Variants in ABHD6 observed in about 807,000 individuals in gnomAD.
ABHD6 encodes abhydrolase domain containing 6, acylglycerol lipase.
In ABHD6, 33 loss-of-function variants were observed where a neutral mutation model predicts 38.8. The observed-to-expected ratio is 0.85, with a 90% confidence interval of 0.64 to 1.14. The LOEUF (loss-of-function observed/expected upper bound fraction) is 1.14. Ranked by LOEUF, ABHD6 falls within the 50% of genes most tolerant of loss-of-function variation. The pLI is 0.00. For missense variants in ABHD6, 380 were observed against 422.6 expected (o/e 0.90, Z 0.88); for synonymous variants, 147 against 161.6 (o/e 0.91, Z 0.69).
chr3:58,243,012 G>T (rs2097423907), intron 1 of ABHD6, among the ~76,000 whole-genome samples: 1 of 152,208 alleles, frequency 6.6e-6, no homozygotes, highest in South Asian at 2.1e-4. Context: ...CAGAATGATG[G>T]TTTCCAGCTT....
chr3:58,292,774 G>A (rs1022900001), intron 9 of ABHD6, among the ~76,000 whole-genome samples: 3 of 152,084 alleles, frequency 2.0e-5, no homozygotes. Context: ...AAAATTAGCT[G>A]GGCATGGTGG....
chr3:58,274,136 C>A (rs1369724438), intron 6 of ABHD6, among the ~76,000 whole-genome samples: 1 of 152,164 alleles, frequency 6.6e-6, no homozygotes, highest in Non-Finnish European at 1.5e-5. Flanking sequence ...GACTCCCAGT[C>A]CCCCTGTGTT....
At chr3:58,253,523 G>A (rs1443023064) in intron 2 of ABHD6, among the ~76,000 whole-genome samples, 2 of 152,304 alleles carry the variant, frequency 1.3e-5, no homozygotes, top group Non-Finnish European at 2.9e-5. Context: ...CTCCTTCAGG[G>A]ATTTTTGTAA....
In ABHD6 at chr3:58,271,766, G is replaced by GTTTTTTTTTTTTTT. The variant is rs3038091; in HGVS notation, c.523+713_523+726dup. On this transcript the variant is annotated intron_variant, in intron 6 of 9. Coordinates refer to ENST00000478253, the MANE Select transcript of ABHD6 (RefSeq NM_001320126.2). ...CTCTCCTCTATCTCCCCCTCTCTCT[G>GTTTTTTTTTTTTTT]TTTTTTTTTTTTTTTTTTTTTTTTG... Among the ~76,000 whole-genome samples, 29 of 63,632 alleles carry GTTTTTTTTTTTTTT rather than the reference G, an allele frequency of 4.6e-4. 8 individuals carry two copies. The highest frequency in any genetic ancestry group is 1.4e-3 in the African/African-American group (20 of 14,014). The allele number at this position is 63,632 out of a possible 152,430, so 41.7% of individuals were successfully genotyped here.
At chr3:58,243,162 A>G (rs970186727) in intron 1 of ABHD6, among the ~76,000 whole-genome samples, 5 of 152,188 alleles carry the variant, frequency 3.3e-5, no homozygotes, top group African/African-American at 1.2e-4. Context: ...TGCTATTGTG[A>G]ATAGTGCTGC....
At chr3:58,290,757 G>T (rs1436878474) in intron 9 of ABHD6, among the ~76,000 whole-genome samples, 5 of 151,506 alleles carry the variant, frequency 3.3e-5, no homozygotes, top group Non-Finnish European at 5.9e-5. Flanking sequence ...CGGGGCAAAG[G>T]CGCTCTCCAC....
At chr3:58,254,883 C>CACAT (rs2097432283) in intron 2 of ABHD6, among the ~76,000 whole-genome samples, 1 of 125,118 alleles carries the variant, frequency 8.0e-6, no homozygotes, top group Non-Finnish European at 1.7e-5. Context: ...CACACACACA[C>CACAT]ATATATATAT....
In ABHD6 at chr3:58,269,527, C is replaced by T; in HGVS notation, c.390+93C>T. The T allele has an allele frequency of 1.1e-6, 1 of 919,744 alleles. No individual in the cohort carries two copies. The highest frequency in any genetic ancestry group is 2.1e-5 in the Admixed American group (1 of 48,638). 57.0% of individuals were successfully genotyped at this position (919,744 alleles called of 1,614,324 possible). ...GAGCAGGGAAGGGAGTCCTGTGCTA[C>T]CTCATGACCAGTCTCCTGTACATTC... On this transcript the variant is annotated intron_variant, in intron 5 of 9. Coordinates refer to ENST00000478253, the MANE Select transcript of ABHD6 (RefSeq NM_001320126.2). The surrounding 1 kb of genome is among the most constrained non-coding windows in gnomAD (Gnocchi z 4.4).
chr3:58,263,408 A>C lies in ABHD6; in HGVS notation c.120-3781A>C, dbSNP rs551783891. Among the ~76,000 whole-genome samples, 1 of 152,132 alleles carries C rather than the reference A, an allele frequency of 6.6e-6. No homozygotes were observed. Among genetic ancestry groups the C allele is most frequent in the Non-Finnish European group, 1.5e-5 (1 of 68,014 alleles). On this transcript the variant is annotated intron_variant, in intron 3 of 9. Coordinates refer to ENST00000478253, the MANE Select transcript of ABHD6 (RefSeq NM_001320126.2). This position sits in a 1 kb window ranked among gnomAD's most constrained non-coding sequence, Gnocchi z 4.9. ...TCCATCTCAAAAAAAAAAAAAAAGA[A>C]AAAATATTAGTTTTCCAGTTTCTTG... is the stretch of plus-strand genomic sequence containing the variant.
At chr3:58,271,240 G>T (rs1199543287) in intron 6 of ABHD6, among the ~76,000 whole-genome samples, 176 bp downstream of exon 6, 1 of 151,734 alleles carries the variant, frequency 6.6e-6, no homozygotes, top group African/African-American at 2.4e-5. Flanking sequence ...ATCATAACCA[G>T]ACTGATTTTG....
At chr3:58,281,285 C>G (rs1328262850) in intron 7 of ABHD6, among the ~76,000 whole-genome samples, 2 of 152,222 alleles carry the variant, frequency 1.3e-5, no homozygotes, top group Non-Finnish European at 2.9e-5. Context: ...TGTTTACCTA[C>G]TTAAGCCTCA....
At chr3:58,244,130 A>G (rs1207401970) in intron 1 of ABHD6, among the ~76,000 whole-genome samples, 2 of 152,218 alleles carry the variant, frequency 1.3e-5, no homozygotes, top group African/African-American at 4.8e-5. Flanking sequence ...TGTTTTGCAA[A>G]TATGACATAA....
intron 1 of ABHD6, among the ~76,000 whole-genome samples, chr3:58,244,696 C>T (rs995905889): frequency 1.3e-5 from 2 of 151,452 alleles, no homozygotes; most frequent in Admixed American, 6.6e-5. Flanking sequence ...CCCAGGAGGT[C>T]GAGGCTGCAG....
At chr3:58,242,773 C>T (rs1433801304) in intron 1 of ABHD6, among the ~76,000 whole-genome samples, 5 of 152,090 alleles carry the variant, frequency 3.3e-5, no homozygotes, top group African/African-American at 1.2e-4. Context: ...GCACAACGTG[C>T]AGGTTTGTTA....
At chr3:58,276,671 A>G (rs1204938790) in intron 7 of ABHD6, among the ~76,000 whole-genome samples, 1 of 152,118 alleles carries the variant, frequency 6.6e-6, no homozygotes, top group East Asian at 1.9e-4. Flanking sequence ...TTGGTGTTTT[A>G]GTCATGAAGT....
intron 7 of ABHD6, among the ~76,000 whole-genome samples, chr3:58,281,045 C>T (rs575024193): frequency 1.3e-5 from 2 of 152,190 alleles, no homozygotes; most frequent in African/African-American, 2.4e-5. Flanking sequence ...TTAGGCTACA[C>T]GAGGGTCAGG....
At position 58,285,370 on chromosome 3, in the gene ABHD6, A is replaced by G; in HGVS notation, c.754A>G (p.Ser252Gly). Residue 252 changes from serine to glycine, a missense_variant, in exon 9 of 10, where the codon AGT becomes GGT. By Grantham distance (56) the Ser-to-Gly change is moderately conservative (BLOSUM62 0). Transcript: ENST00000478253. This position sits in a 1 kb window ranked among gnomAD's most constrained non-coding sequence, Gnocchi z 4.9. ...CTGACAAGTGTTTTTGGAAATCGTC[A>G]GTGAGAAGTCCAGATACTCTCTCCA... ...FYRKLFLEIVSEKSRYSLHQN... is the reference protein window; with the variant it reads ...FYRKLFLEIVGEKSRYSLHQN... 6.2e-7 allele frequency: 1 copy of G among 1,614,180 alleles called. No homozygotes were observed. Among genetic ancestry groups the G allele is most frequent in the Non-Finnish European group, 8.5e-7 (1 of 1,180,002 alleles).
intron 7 of ABHD6, among the ~76,000 whole-genome samples, chr3:58,279,514 C>T (rs2097451338): frequency 6.6e-6 from 1 of 152,110 alleles, no homozygotes; most frequent in Non-Finnish European, 1.5e-5. Flanking sequence ...GATGGGTCTC[C>T]TGAATATAGC....
chr3:58,241,889 A>G lies in ABHD6; in HGVS notation c.-91+3973A>G, dbSNP rs2097423070. The stretch of plus-strand genomic sequence containing the variant: ...TCCCATTTCATCCCCACACTGAGGT[A>G]GAATTCTAAGAGGTTAGGTCACTTG... On this transcript the variant is annotated intron_variant, in intron 1 of 9. Coordinates refer to ENST00000478253, the MANE Select transcript of ABHD6 (RefSeq NM_001320126.2). Among the ~76,000 whole-genome samples, 7 of 152,130 alleles carry G rather than the reference A, an allele frequency of 4.6e-5. No homozygotes were observed. In the South Asian group the frequency reaches 1.0e-3, roughly 22 times the overall value.
Sources: allele counts gnomAD v4.1 joint callset (sites outside exome capture counted in the v4.1 genomes callset), GRCh38; gene constraint gnomAD v4.1.1; non-coding constraint Gnocchi (gnomAD v3.1); transcripts MANE v1.5; gene names NCBI Gene and HGNC (gene_info 2026-07-23, HGNC 2026-07-21).